UHRF2: variants seen among roughly 807,000 people sequenced by gnomAD.
UHRF2 encodes the protein E3 ubiquitin-protein ligase UHRF2.
In UHRF2, 23 loss-of-function variants were observed where a neutral mutation model predicts 96.8. The ratio of observed to expected loss-of-function variants is 0.24; its 90% CI spans 0.17 to 0.34. The LOEUF is 0.34. UHRF2 is among the 10% of genes least tolerant of loss of function. UHRF2 has a pLI of 1.00. For missense variants in UHRF2, 685 were observed against 981.5 expected, an observed-to-expected ratio of 0.70 and a Z score of 4.04; for synonymous variants, 385 against 332.6, an observed-to-expected ratio of 1.16 and a Z score of -1.72.
At chr9:6,470,989 AT>A (rs1419322128) in intron 4 of UHRF2, among the ~76,000 whole-genome samples, 1 of 152,252 alleles carries the variant, frequency 6.6e-6, no homozygotes, top group Non-Finnish European at 1.5e-5. Context: ...CTAGATTAAA[AT>A]AAAAAAATCC....
intron 10 of UHRF2, chr9:6,494,998 A>G (rs1005193409): frequency 3.3e-5 from 5 of 152,232 alleles, no homozygotes; most frequent in African/African-American, 1.2e-4. Context: ...ATTCTTTTCT[A>G]GCAAGAAAGC....
At chr9:6,461,224 C>G (rs187563825) in intron 4 of UHRF2, among the ~76,000 whole-genome samples, 263 of 152,270 alleles carry the variant, frequency 1.7e-3, no homozygotes, top group Admixed American at 3.4e-3. Flanking sequence ...TTTCACCTTA[C>G]AGAATTTAAA....
At chr9:6,445,166 T>C (rs1419880908) in intron 3 of UHRF2, among the ~76,000 whole-genome samples, 1 of 150,446 alleles carries the variant, frequency 6.6e-6, no homozygotes, top group East Asian at 2.0e-4. Context: ...TTGGTTTGAA[T>C]TCCAGGTCTT....
In UHRF2 at chr9:6,436,610, A is replaced by G. The variant is rs531173752; in HGVS notation, c.644+2437A>G. 1.3e-4 allele frequency among the ~76,000 whole-genome samples: 20 copies of G among 152,336 alleles called. No individual in the cohort carries two copies. The South Asian group carries it at 3.5e-3, about 27-fold the overall frequency. ...GAATGGCACAACATAGACATAGAAT[A>G]AGGAACTTTAAATAGTGAACTAAGG... is the stretch of plus-strand genomic sequence containing the variant. On this transcript the variant is annotated intron_variant, in intron 3 of 15. Transcript: ENST00000276893.
chr9:6,492,038 A>G (rs182488401), intron 9 of UHRF2, among the ~76,000 whole-genome samples: 3 of 152,294 alleles, frequency 2.0e-5, no homozygotes, highest in East Asian at 1.9e-4. Flanking sequence ...TGGCCTTTCC[A>G]TAGGAAAAAT....
intron 1 of UHRF2, 27 bp downstream of exon 1, chr9:6,413,670 CGAGG>C: frequency 6.5e-7 from 1 of 1,544,172 alleles, no homozygotes; most frequent in East Asian, 2.5e-5. Context: ...GCGCCCCTAG[CGAGG>C]CTGGGGGCCG....
intron 3 of UHRF2, among the ~76,000 whole-genome samples, chr9:6,458,447 A>T (rs909429537): frequency 1.4e-5 from 2 of 146,874 alleles, no homozygotes; most frequent in Non-Finnish European, 3.0e-5. Context: ...CAGCTCCTGG[A>T]TTGTTGATTT....
chr9:6,492,519 T>A (rs1824720181), intron 9 of UHRF2: 1 of 286,328 alleles, frequency 3.5e-6, no homozygotes, highest in Admixed American at 6.3e-5. Flanking sequence ...GAAAGTAAAT[T>A]TAAGGGTTTT....
intron 4 of UHRF2, among the ~76,000 whole-genome samples, chr9:6,473,592 A>G (rs1823380467): frequency 6.6e-6 from 1 of 152,186 alleles, no homozygotes; most frequent in South Asian, 2.1e-4. Flanking sequence ...GACCTATGAA[A>G]TTATCTTACC....
At chr9:6,425,319 C>A (rs1398999464) in intron 2 of UHRF2, among the ~76,000 whole-genome samples, 3 of 152,024 alleles carry the variant, frequency 2.0e-5, no homozygotes, top group Admixed American at 6.6e-5. Flanking sequence ...TTTGACATAC[C>A]CCCATTATTG....
At chr9:6,479,589 G>A (rs559522976) in intron 6 of UHRF2, among the ~76,000 whole-genome samples, 24 of 152,210 alleles carry the variant, frequency 1.6e-4, no homozygotes, top group Admixed American at 1.5e-3. Flanking sequence ...CTGAATTTAT[G>A]TCTTCATATC....
intron 1 of UHRF2, chr9:6,414,017 A>T (rs1587747029): frequency 5.9e-6 from 1 of 170,346 alleles, no homozygotes; most frequent in Admixed American, 6.3e-5. Context: ...TCTGGCGGCC[A>T]TGCCACCGCG....
chr9:6,463,571 A>T (rs986010522), intron 4 of UHRF2, among the ~76,000 whole-genome samples: 1 of 151,938 alleles, frequency 6.6e-6, no homozygotes, highest in Non-Finnish European at 1.5e-5. Flanking sequence ...CCTGGATTCA[A>T]GCAGTTCTCC....
rs762331981 is a variant in UHRF2 at position 6,413,610 on chromosome 9, C to G, written c.120C>G (p.Pro40=). Residue 40 remains proline, a synonymous_variant, in exon 1 of 16, where the codon CCC becomes CCG. Coordinates refer to ENST00000276893, the MANE Select transcript of UHRF2 (RefSeq NM_152896.3). ...ERVWALFDVR[P]ECQRLFYRGK... is the part of the protein sequence containing the mutation. ...TGTGGGCGCTGTTCGACGTGCGGCC[C>G]GAATGCCAGCGCCTCTTCTACCGGG... 8.8e-6 allele frequency: 14 copies of G among 1,598,560 alleles called. No individual in the cohort carries two copies. Among genetic ancestry groups the G allele is most frequent in the Middle Eastern group, 1.8e-4 (1 of 5,664 alleles).
At chr9:6,440,540 A>G (rs1348720227) in intron 3 of UHRF2, among the ~76,000 whole-genome samples, 1 of 152,188 alleles carries the variant, frequency 6.6e-6, no homozygotes, top group African/African-American at 2.4e-5. Context: ...TTATATAAAT[A>G]TTTAATTGCA....
intron 2 of UHRF2, among the ~76,000 whole-genome samples, chr9:6,429,140 G>C (rs1279117119): frequency 6.6e-6 from 1 of 151,830 alleles, no homozygotes; most frequent in Non-Finnish European, 1.5e-5. Context: ...ACTCCAGCCT[G>C]GGCAACAGAG....
chr9:6,457,713 T>C (rs1167882895), intron 3 of UHRF2, among the ~76,000 whole-genome samples: 1 of 152,218 alleles, frequency 6.6e-6, no homozygotes, highest in Non-Finnish European at 1.5e-5. Flanking sequence ...GTTTTTAGCA[T>C]GAAGGGGTTG....
chr9:6,472,729 T>C (rs1823321509), intron 4 of UHRF2, among the ~76,000 whole-genome samples: 1 of 152,206 alleles, frequency 6.6e-6, no homozygotes, highest in South Asian at 2.1e-4. Flanking sequence ...AAGGGAAATA[T>C]GCAAAAAATT....
intron 3 of UHRF2, among the ~76,000 whole-genome samples, chr9:6,458,966 A>G (rs1822354423): frequency 2.0e-5 from 3 of 152,214 alleles, no homozygotes; most frequent in African/African-American, 7.2e-5. Context: ...CTAACACAGG[A>G]ACAGAAAACC....
Sources: allele counts gnomAD v4.1 joint callset (sites outside exome capture counted in the v4.1 genomes callset), GRCh38; gene constraint gnomAD v4.1.1; transcripts MANE v1.5; gene names NCBI Gene and HGNC (gene_info 2026-07-23, HGNC 2026-07-21).